HS3ST4: variants seen among roughly 807,000 people sequenced by gnomAD.
HS3ST4 encodes the protein heparan sulfate-glucosamine 3-sulfotransferase 4.
HS3ST4 carries 17 observed loss-of-function variants against 29.2 expected under a neutral mutation model. That is an observed-to-expected ratio of 0.58 (90% CI 0.40 to 0.87). The LOEUF (loss-of-function observed/expected upper bound fraction) is 0.87, where lower values mean the gene tolerates loss of function less well. Among genes scored for constraint, HS3ST4 ranks in the 40% least tolerant of loss-of-function variants. The pLI, the probability that HS3ST4 is intolerant of heterozygous loss-of-function variation, is 0.00. For synonymous variants in HS3ST4, 314 were observed against 285.7 expected (o/e 1.10, Z -1.00); for missense variants, 627 against 634.5 (o/e 0.99, Z 0.13).
chr16:25,980,145 A>G (rs979158674), intron 1 of HS3ST4, among the ~76,000 whole-genome samples: 3 of 152,100 alleles, frequency 2.0e-5, no homozygotes, highest in Non-Finnish European at 4.4e-5. Flanking sequence ...AGACTCTTCA[A>G]TGGCTCTAGG....
At chr16:26,031,820 C>T (rs1022741586) in intron 1 of HS3ST4, among the ~76,000 whole-genome samples, 20 of 151,684 alleles carry the variant, frequency 1.3e-4, no homozygotes, top group Non-Finnish European at 2.6e-4. Context: ...TATACAACAA[C>T]TTTCAAACTC....
chr16:25,768,610 G>A (rs1966836090), intron 1 of HS3ST4, among the ~76,000 whole-genome samples: 1 of 152,042 alleles, frequency 6.6e-6, no homozygotes, highest in African/African-American at 2.4e-5. Context: ...GAGCTTCCTA[G>A]GGTAACTTTG....
intron 1 of HS3ST4, among the ~76,000 whole-genome samples, chr16:25,912,278 T>C (rs1350393421): frequency 6.6e-6 from 1 of 152,192 alleles, no homozygotes; most frequent in African/African-American, 2.4e-5. Flanking sequence ...GGCTCAGCTA[T>C]GAATTCGTTA....
chr16:25,873,417 C>CCATCCAT (rs1555470002), intron 1 of HS3ST4, among the ~76,000 whole-genome samples: 4 of 103,296 alleles, frequency 3.9e-5, no homozygotes, highest in African/African-American at 7.6e-5. Context: ...CATCCATCCA[C>CCATCCAT]CCATCCATCC....
At chr16:25,755,149 C>T (rs530342613) in intron 1 of HS3ST4, among the ~76,000 whole-genome samples, 19 of 152,232 alleles carry the variant, frequency 1.2e-4, no homozygotes, top group Non-Finnish European at 2.8e-4. Context: ...CACATCCATT[C>T]ATTCAACAAG....
In HS3ST4 at chr16:25,692,384, C is replaced by T. The variant is rs1966257742; in HGVS notation, c.-34C>T. On this transcript the variant is annotated 5_prime_UTR_variant, in exon 1 of 2. Coordinates refer to ENST00000331351, the MANE Select transcript of HS3ST4 (RefSeq NM_006040.3). ...GTCCGGGCAGCGCCGGGGGCTGCCG[C>T]CGCCGCCGCCGCCGCCGCGAGCCGG... 1.9e-5 allele frequency: 12 copies of T among 632,828 alleles called. No homozygotes were observed. Among genetic ancestry groups the T allele is most frequent in the Non-Finnish European group, 2.2e-5 (11 of 504,080 alleles). The allele number at this position is 632,828 out of a possible 1,614,324, so 39.2% of individuals were successfully genotyped here. A position where few individuals can be genotyped will look rare whatever the true frequency, so the allele number is the denominator to read the frequency against.
intron 1 of HS3ST4, among the ~76,000 whole-genome samples, chr16:25,904,260 A>G (rs569073443): frequency 1.3e-5 from 2 of 152,248 alleles, no homozygotes; most frequent in African/African-American, 4.8e-5. Flanking sequence ...GGAAGAATGG[A>G]TGGATGAGTG....
intron 1 of HS3ST4, among the ~76,000 whole-genome samples, chr16:25,826,518 A>G (rs2141636355): frequency 6.6e-6 from 1 of 152,310 alleles, no homozygotes. Context: ...CAAGGATATT[A>G]TTGAGGAAAT....
intron 1 of HS3ST4, among the ~76,000 whole-genome samples, chr16:26,108,560 C>A (rs1899087337): frequency 6.6e-6 from 1 of 152,128 alleles, no homozygotes; most frequent in Non-Finnish European, 1.5e-5. Flanking sequence ...AGCTAGGTGA[C>A]CTTGGACAAG....
intron 1 of HS3ST4, among the ~76,000 whole-genome samples, chr16:25,708,086 G>A (rs539880833): frequency 1.3e-5 from 2 of 152,142 alleles, no homozygotes; most frequent in South Asian, 2.1e-4. Context: ...TCATTGATCC[G>A]GTACCACAAA....
intron 1 of HS3ST4, among the ~76,000 whole-genome samples, chr16:25,968,246 A>T (rs556199750): frequency 1.1e-4 from 16 of 152,202 alleles, no homozygotes; most frequent in African/African-American, 3.4e-4. Flanking sequence ...GATGGACATC[A>T]TGCCAGCAAA....
chr16:25,794,996 C>A (rs1191144741), intron 1 of HS3ST4, among the ~76,000 whole-genome samples: 1 of 139,000 alleles, frequency 7.2e-6, no homozygotes, highest in African/African-American at 2.6e-5. Flanking sequence ...TTTGGTGATG[C>A]AGTCTCTCAC....
chr16:26,000,332 T>C (rs1244800865), intron 1 of HS3ST4, among the ~76,000 whole-genome samples: 1 of 152,180 alleles, frequency 6.6e-6, no homozygotes, highest in African/African-American at 2.4e-5. Flanking sequence ...ATGATCTCTC[T>C]ACTTTTTGAC....
rs1304347742 is a variant in HS3ST4 at position 25,873,465 on chromosome 16, CCCAT to C, written c.734+180320_734+180323del. ...ATCCATCCACCCATCCATTTACCCA[CCCAT>C]CCATCTATCTCTCTATCTATCTATC... On this transcript the variant is annotated intron_variant, in intron 1 of 1. Transcript: ENST00000331351. Among the ~76,000 whole-genome samples the C allele has an allele frequency of 8.9e-3, 1,202 of 135,336 alleles. 30 individuals are homozygous for C. The highest frequency in any genetic ancestry group is 0.031 in the African/African-American group (1,089 of 34,722). 88.8% of individuals were successfully genotyped at this position (135,336 alleles called of 152,430 possible). A position where few individuals can be genotyped will look rare whatever the true frequency, so the allele number is the denominator to read the frequency against.
intron 1 of HS3ST4, among the ~76,000 whole-genome samples, chr16:25,886,516 C>T (rs566600058): frequency 2.6e-5 from 4 of 152,178 alleles, no homozygotes; most frequent in Non-Finnish European, 5.9e-5. Flanking sequence ...ATCATCTGCT[C>T]AGAGAGAAGG....
chr16:25,930,939 A>G, intron 1 of HS3ST4, among the ~76,000 whole-genome samples: 1 of 152,044 alleles, frequency 6.6e-6, no homozygotes, highest in East Asian at 1.9e-4. Flanking sequence ...AAACTCAGCT[A>G]ATTTTTGTGT....
intron 1 of HS3ST4, among the ~76,000 whole-genome samples, chr16:25,756,155 C>T (rs1374898905): frequency 1.4e-5 from 1 of 71,686 alleles, no homozygotes; most frequent in Non-Finnish European, 2.6e-5. Flanking sequence ...CACACACACG[C>T]ACACACACAC....
At chr16:26,061,675 T>C (rs1898478017) in intron 1 of HS3ST4, among the ~76,000 whole-genome samples, 1 of 152,222 alleles carries the variant, frequency 6.6e-6, no homozygotes, top group Non-Finnish European at 1.5e-5. Context: ...AAGGATAAGT[T>C]ATTCTATCTC....
At chr16:26,126,459 C>A (rs543059527) in intron 1 of HS3ST4, among the ~76,000 whole-genome samples, 1 of 152,256 alleles carries the variant, frequency 6.6e-6, no homozygotes, top group Admixed American at 6.5e-5. Flanking sequence ...TTAAAACAAC[C>A]TTCTGAGATA....
Sources: allele counts gnomAD v4.1 joint callset (sites outside exome capture counted in the v4.1 genomes callset), GRCh38; gene constraint gnomAD v4.1.1; transcripts MANE v1.5; gene names NCBI Gene and HGNC (gene_info 2026-07-23, HGNC 2026-07-21).